MANBA: variants seen among roughly 807,000 people sequenced by gnomAD.
MANBA encodes the protein beta-mannosidase.
In MANBA, 83 loss-of-function variants were observed where a neutral mutation model predicts 111.1. The ratio of observed to expected loss-of-function variants is 0.75; its 90% CI spans 0.63 to 0.90. The LOEUF is 0.90. Ranked by LOEUF, MANBA falls within the 40% of genes least tolerant of loss-of-function variation. The pLI is 0.00. For missense variants in MANBA, 1,036 were observed against 1,069.0 expected (o/e 0.97, Z 0.43); for synonymous variants, 370 against 378.7 (o/e 0.98, Z 0.27).
At chr4:102,653,257 CACACACACAA>C (rs1730421124) in intron 12 of MANBA, among the ~76,000 whole-genome samples, 1 of 146,978 alleles carries the variant, frequency 6.8e-6, no homozygotes, top group South Asian at 2.1e-4. Flanking sequence ...CACACACACA[CACACACACAA>C]GGTATTTACT....
At chr4:102,721,571 A>G (rs1722574897) in intron 4 of MANBA, among the ~76,000 whole-genome samples, 1 of 152,232 alleles carries the variant, frequency 6.6e-6, no homozygotes, top group South Asian at 2.1e-4. Context: ...TATGCATAGA[A>G]TGGTATGTTA....
At chr4:102,657,555 ATCT>A (rs1481998925) in intron 12 of MANBA, 124 bp downstream of exon 12, 7 of 799,242 alleles carry the variant, frequency 8.8e-6, no homozygotes, top group East Asian at 2.6e-5. Flanking sequence ...ATTTTCCTCC[ATCT>A]TCTTCTCAAA....
intron 1 of MANBA, among the ~76,000 whole-genome samples, chr4:102,742,276 C>G (rs1228713757): frequency 6.6e-6 from 1 of 152,184 alleles, no homozygotes; most frequent in African/African-American, 2.4e-5. Flanking sequence ...GGAACTAAGA[C>G]TTCTAGACCA....
chr4:102,668,821 A>G (rs1301437641), intron 10 of MANBA, 142 bp downstream of exon 10: 1 of 695,156 alleles, frequency 1.4e-6, no homozygotes, highest in Non-Finnish European at 2.6e-6. Flanking sequence ...GGGTACAATC[A>G]CCTAGGATGT....
chr4:102,731,518 A>G (rs113661600), intron 1 of MANBA, among the ~76,000 whole-genome samples: 4 of 152,310 alleles, frequency 2.6e-5, no homozygotes, highest in East Asian at 1.9e-4. Flanking sequence ...GGTTTCTTAT[A>G]TTATCCTACC....
chr4:102,719,189 C>G (rs79073487), intron 4 of MANBA, among the ~76,000 whole-genome samples: 1 of 152,164 alleles, frequency 6.6e-6, no homozygotes, highest in Non-Finnish European at 1.5e-5. Flanking sequence ...TGGCCGTCTA[C>G]AGACCTACCC....
chr4:102,729,273 C>T, intron 1 of MANBA: 3 of 753,144 alleles, frequency 4.0e-6, no homozygotes, highest in Non-Finnish European at 4.9e-6. Flanking sequence ...TTGTACACTG[C>T]AGGTCATCCT....
intron 13 of MANBA, among the ~76,000 whole-genome samples, chr4:102,646,169 T>C (rs1008983570): frequency 1.2e-4 from 18 of 152,150 alleles, no homozygotes; most frequent in African/African-American, 4.8e-5. Flanking sequence ...ATTTAGTAGA[T>C]ACCCAAAGAA....
intron 5 of MANBA, among the ~76,000 whole-genome samples, chr4:102,699,549 TGA>T (rs1289269883): frequency 6.6e-6 from 1 of 150,718 alleles, no homozygotes; most frequent in Non-Finnish European, 1.5e-5. Context: ...CCTAATTTAT[TGA>T]GAGTTTTTAG....
chr4:102,717,080 C>A (rs1463933324), intron 4 of MANBA, among the ~76,000 whole-genome samples: 1 of 152,040 alleles, frequency 6.6e-6, no homozygotes, highest in Non-Finnish European at 1.5e-5. Context: ...AGAAGGAGAG[C>A]AAAATAATCA....
chr4:102,669,852 C>G (rs1239031374), intron 9 of MANBA, among the ~76,000 whole-genome samples: 1 of 152,050 alleles, frequency 6.6e-6, no homozygotes, highest in Non-Finnish European at 1.5e-5. Context: ...AGGTGGTGAG[C>G]GCCTGTGGTC....
intron 1 of MANBA, chr4:102,751,960 C>A (rs1289182577): frequency 5.7e-6 from 4 of 700,692 alleles, no homozygotes; most frequent in African/African-American, 3.5e-5. Flanking sequence ...CTGCAGAGGT[C>A]ATGCTGGAAG....
intron 7 of MANBA, among the ~76,000 whole-genome samples, chr4:102,688,293 G>A (rs568002845): frequency 1.2e-4 from 18 of 149,400 alleles, no homozygotes; most frequent in African/African-American, 2.5e-4. Context: ...GTGCGTGCGC[G>A]CGCACACACA....
chr4:102,681,535 T>C (rs1731977958), intron 7 of MANBA: 2 of 152,244 alleles, frequency 1.3e-5, no homozygotes, highest in Admixed American at 6.5e-5. Flanking sequence ...AATATGCACT[T>C]ACCAAGCAAA....
In MANBA at chr4:102,760,888, G is replaced by A; in HGVS notation, c.7C>T (p.Leu3Phe). 6.4e-7 allele frequency: 1 copy of A among 1,565,860 alleles called. No individual in the cohort carries two copies. Among genetic ancestry groups the A allele is most frequent in the Non-Finnish European group, 8.6e-7 (1 of 1,158,536 alleles). The part of the protein sequence containing the change: MR[L>F]HLLLLLALCG... ...AGCGCGAGCAGCAGGAGCAGGTGGA[G>A]GCGCATCTTGAGATCCCGCGCCACC... Residue 3 changes from leucine to phenylalanine, a missense_variant, in exon 1 of 17, where the codon CTC becomes TTC. By Grantham distance (22) the Leu-to-Phe change is conservative. Transcript: ENST00000647097.
chr4:102,737,018 A>G (rs1723238274), intron 1 of MANBA, among the ~76,000 whole-genome samples: 1 of 152,166 alleles, frequency 6.6e-6, no homozygotes, highest in East Asian at 1.9e-4. Context: ...GAGCCAAGCA[A>G]AATATAATAG....
intron 1 of MANBA, among the ~76,000 whole-genome samples, chr4:102,747,742 G>A (rs34992678): frequency 0.055 from 8,352 of 152,242 alleles, 321 homozygotes; most frequent in Middle Eastern, 0.099. Flanking sequence ...CCTTAAATTA[G>A]TAAATATTGC....
At chr4:102,714,654 G>T in intron 4 of MANBA, 93 bp from the exon 5 acceptor site, 1 of 1,269,574 alleles carries the variant, frequency 7.9e-7, no homozygotes, top group South Asian at 1.3e-5. Context: ...TTACATATGT[G>T]TATATAAGTT....
At chr4:102,636,781 A>C (rs1729651652) in intron 14 of MANBA, among the ~76,000 whole-genome samples, 1 of 152,192 alleles carries the variant, frequency 6.6e-6, no homozygotes, top group Admixed American at 6.5e-5. Flanking sequence ...AAAACAGCCA[A>C]GCTCTGGTAC....
Sources: gnomAD v4.1 joint callset for allele counts (sites outside exome capture counted in the v4.1 genomes callset) on GRCh38, gnomAD v4.1.1 for gene constraint, MANE v1.5 for transcripts, NCBI Gene and HGNC (gene_info 2026-07-23, HGNC 2026-07-21) for gene names.